The following SMOC2 variants were observed in gnomAD, a reference collection of about 807,000 sequenced individuals.
SMOC2 encodes the protein SPARC-related modular calcium-binding protein 2.
Under a neutral mutation model 61.4 loss-of-function variants are expected in SMOC2, and 39 were observed. The ratio of observed to expected loss-of-function variants is 0.64; its 90% CI spans 0.49 to 0.83. SMOC2 has a LOEUF of 0.83. SMOC2 is among the 40% of genes least tolerant of loss of function. The pLI, the probability that SMOC2 is intolerant of heterozygous loss-of-function variation, is 0.00. For synonymous variants in SMOC2, 247 were observed against 239.9 expected, an observed-to-expected ratio of 1.03 and a Z score of -0.27; for missense variants, 556 against 592.9, an observed-to-expected ratio of 0.94 and a Z score of 0.65.
At chr6:168,555,460 C>T (rs1247225107) in intron 7 of SMOC2, among the ~76,000 whole-genome samples, 1 of 152,116 alleles carries the variant, frequency 6.6e-6, no homozygotes, top group African/African-American at 2.4e-5. Context: ...GAAGCCCTTA[C>T]CTTCCCGTCG....
At chr6:168,601,768 C>T (rs1785559605) in intron 8 of SMOC2, among the ~76,000 whole-genome samples, 2 of 152,174 alleles carry the variant, frequency 1.3e-5, no homozygotes, top group Admixed American at 6.5e-5. Flanking sequence ...GCATTTACTA[C>T]GCTGTGCCTG....
chr6:168,458,928 A>C (rs1781654557), intron 1 of SMOC2, among the ~76,000 whole-genome samples: 2 of 152,246 alleles, frequency 1.3e-5, no homozygotes, highest in African/African-American at 4.8e-5. Flanking sequence ...ATAGTGTAAC[A>C]TGGAAGTTTA....
In SMOC2 at chr6:168,452,735, TCTA is replaced by T. The variant is rs1332204661; in HGVS notation, c.84+11286_84+11288del. ...ACCATTCCTAGTCCCTTCCCTCATT[TCTA>T]CTACCTTTTAATTTCGTTTTGTTTT... is the stretch of plus-strand genomic sequence containing the variant. On this transcript the variant is annotated intron_variant, in intron 1 of 12. Coordinates refer to ENST00000356284, the MANE Select transcript of SMOC2 (RefSeq NM_001166412.2). This position sits in a 1 kb window ranked among gnomAD's most constrained non-coding sequence, Gnocchi z 5.0. Among the ~76,000 whole-genome samples, 2 of 152,244 alleles carry T rather than the reference TCTA, an allele frequency of 1.3e-5. No homozygotes were observed. Among genetic ancestry groups the T allele is most frequent in the African/African-American group, 4.8e-5 (2 of 41,466 alleles).
chr6:168,566,842 G>A (rs1784555817), intron 7 of SMOC2, among the ~76,000 whole-genome samples: 4 of 152,136 alleles, frequency 2.6e-5, no homozygotes, highest in Admixed American at 2.0e-4. Context: ...GCAAAGTGTA[G>A]AGTGGGTGGC....
At chr6:168,563,012 T>C (rs1044676433) in intron 7 of SMOC2, among the ~76,000 whole-genome samples, 13 of 151,852 alleles carry the variant, frequency 8.6e-5, no homozygotes, top group Non-Finnish European at 1.6e-4. Context: ...GGGCTGGGAG[T>C]GGAGACTCGC....
intron 1 of SMOC2, among the ~76,000 whole-genome samples, chr6:168,458,134 G>A (rs146545860): frequency 6.6e-6 from 1 of 152,366 alleles, no homozygotes; most frequent in African/African-American, 2.4e-5. Context: ...AGGCCGGGCT[G>A]TGGTGAGGCT....
chr6:168,666,174 A>G (rs1475671721), intron 12 of SMOC2, among the ~76,000 whole-genome samples: 2 of 152,226 alleles, frequency 1.3e-5, no homozygotes, highest in Non-Finnish European at 2.9e-5. Context: ...TAGAATATTT[A>G]CAGTGGATGT....
At chr6:168,616,973 AGC>A (rs2115224745) in intron 9 of SMOC2, among the ~76,000 whole-genome samples, 1 of 152,354 alleles carries the variant, frequency 6.6e-6, no homozygotes, top group East Asian at 1.9e-4. Flanking sequence ...CGTTTCACTC[AGC>A]GCTTGCCTTT....
chr6:168,626,792 A>G (rs1338137543), intron 9 of SMOC2, among the ~76,000 whole-genome samples: 1 of 152,170 alleles, frequency 6.6e-6, no homozygotes, highest in Non-Finnish European at 1.5e-5. Flanking sequence ...CTTTACCAGA[A>G]TTTTAGGTAA....
intron 8 of SMOC2, among the ~76,000 whole-genome samples, chr6:168,599,528 C>A (rs376768538): frequency 0.022 from 506 of 22,598 alleles, 16 homozygotes; most frequent in African/African-American, 0.058. Flanking sequence ...ACTCATACCC[C>A]CACACACCCA....
chr6:168,623,120 T>C (rs1182963534), intron 9 of SMOC2, among the ~76,000 whole-genome samples: 1 of 152,160 alleles, frequency 6.6e-6, no homozygotes, highest in Non-Finnish European at 1.5e-5. Flanking sequence ...TTAATTCTGT[T>C]CGTGCTCTAT....
intron 1 of SMOC2, among the ~76,000 whole-genome samples, chr6:168,456,077 G>T (rs1271636678): frequency 1.3e-5 from 2 of 152,246 alleles, no homozygotes; most frequent in African/African-American, 4.8e-5. Context: ...GGCGGAGTGG[G>T]CGTGGGGGCA....
intron 9 of SMOC2, among the ~76,000 whole-genome samples, chr6:168,636,967 TCCCTCCTG>T: frequency 2.6e-5 from 3 of 115,502 alleles, no homozygotes; most frequent in African/African-American, 1.1e-4. Flanking sequence ...TCCTCCCTCC[TCCCTCCTG>T]CTTTCCTCCC....
chr6:168,647,063 C>T (rs1220740263), intron 9 of SMOC2, among the ~76,000 whole-genome samples: 4 of 152,210 alleles, frequency 2.6e-5, no homozygotes, highest in African/African-American at 9.7e-5. Context: ...GGGCCTGGCA[C>T]GTCTAACCCA....
intron 7 of SMOC2, among the ~76,000 whole-genome samples, chr6:168,584,012 C>T (rs980994065): frequency 1.3e-5 from 2 of 152,066 alleles, no homozygotes; most frequent in African/African-American, 4.8e-5. Context: ...CAGAGGCCAT[C>T]GGAGGTAAAC....
intron 7 of SMOC2, among the ~76,000 whole-genome samples, chr6:168,563,418 T>C (rs912611483): frequency 3.3e-5 from 5 of 152,144 alleles, no homozygotes; most frequent in Admixed American, 6.5e-5. Flanking sequence ...CATATATATA[T>C]ACACACACAC....
chr6:168,651,799 G>A (rs905174050), intron 10 of SMOC2, among the ~76,000 whole-genome samples: 2 of 152,204 alleles, frequency 1.3e-5, no homozygotes, highest in Non-Finnish European at 2.9e-5. Flanking sequence ...CCAACACTTT[G>A]GCAGGCCAAG....
intron 9 of SMOC2, among the ~76,000 whole-genome samples, chr6:168,628,531 A>G (rs1786477868): frequency 6.6e-6 from 1 of 152,228 alleles, no homozygotes; most frequent in East Asian, 1.9e-4. Context: ...ACATTAGGAA[A>G]CAGGAGTATG....
chr6:168,521,255 T>A (rs1783322141), intron 2 of SMOC2, among the ~76,000 whole-genome samples: 1 of 152,134 alleles, frequency 6.6e-6, no homozygotes, highest in Non-Finnish European at 1.5e-5. Context: ...TTCATGTGAT[T>A]CTCCTGCCTC....
Sources: allele counts gnomAD v4.1 joint callset (sites outside exome capture counted in the v4.1 genomes callset), GRCh38; gene constraint gnomAD v4.1.1; non-coding constraint Gnocchi (gnomAD v3.1); transcripts MANE v1.5; gene names NCBI Gene and HGNC (gene_info 2026-07-23, HGNC 2026-07-21).